ERC1: variants seen among roughly 807,000 people sequenced by gnomAD.
The protein encoded by ERC1 is RAB6 interacting protein 2.
ERC1 carries 56 observed loss-of-function variants against 132.0 expected under a neutral mutation model. The ratio of observed to expected loss-of-function variants is 0.42; its 90% confidence interval spans 0.34 to 0.53. The LOEUF (loss-of-function observed/expected upper bound fraction) is 0.53. Ranked by LOEUF, ERC1 falls within the 20% of genes least tolerant of loss-of-function variation. The pLI is 0.03. For missense variants in ERC1, 1,202 were observed against 1,349.9 expected (o/e 0.89, Z 1.72); for synonymous variants, 478 against 476.1 (o/e 1.00, Z -0.05).
At chr12:1,372,685 G>A (rs1473769972) in intron 16 of ERC1, among the ~76,000 whole-genome samples, 2 of 152,230 alleles carry the variant, frequency 1.3e-5, no homozygotes, top group East Asian at 1.9e-4. Context: ...AGTGCTCCTC[G>A]TTGAGTGCTC....
chr12:1,055,133 A>G (rs934961222), intron 2 of ERC1, among the ~76,000 whole-genome samples: 4 of 152,120 alleles, frequency 2.6e-5, no homozygotes, highest in Non-Finnish European at 5.9e-5. Flanking sequence ...GAGATGTTTA[A>G]TGTTAAGGAT....
At chr12:1,261,383 C>G (rs190610819) in intron 13 of ERC1, among the ~76,000 whole-genome samples, 366 of 152,310 alleles carry the variant, frequency 2.4e-3, no homozygotes, top group African/African-American at 8.0e-3. Flanking sequence ...TTTATACTTA[C>G]AGCAATCTGT....
chr12:1,485,877 A>G (rs940087124), intron 18 of ERC1, among the ~76,000 whole-genome samples: 5 of 152,258 alleles, frequency 3.3e-5, no homozygotes, highest in African/African-American at 1.2e-4. Flanking sequence ...GATTATAAAA[A>G]ATATGCTCTT....
chr12:1,327,903 G>A (rs548395982), intron 15 of ERC1, among the ~76,000 whole-genome samples: 1 of 151,702 alleles, frequency 6.6e-6, no homozygotes, highest in African/African-American at 2.4e-5. Context: ...CGTTTACTCA[G>A]TTGTTCAAGC....
chr12:1,367,289 AT>A (rs896296341), intron 15 of ERC1, among the ~76,000 whole-genome samples: 3 of 152,234 alleles, frequency 2.0e-5, no homozygotes, highest in African/African-American at 7.2e-5. Flanking sequence ...TGACATTAAA[AT>A]GTCCAAAGCT....
At chr12:1,471,050 C>T (rs565557060) in intron 18 of ERC1, among the ~76,000 whole-genome samples, 12 of 152,162 alleles carry the variant, frequency 7.9e-5, no homozygotes, top group Non-Finnish European at 1.3e-4. Flanking sequence ...CTTTTATAGT[C>T]ATGTTTTCTG....
intron 2 of ERC1, among the ~76,000 whole-genome samples, chr12:1,058,240 T>C (rs772511757): frequency 6.6e-6 from 1 of 152,194 alleles, no homozygotes; most frequent in Non-Finnish European, 1.5e-5. Flanking sequence ...TTTTGAAACC[T>C]TACCAAGAAA....
At position 1,093,979 on chromosome 12, in the gene ERC1, A is replaced by ATTTC. The variant is rs1565949554; in HGVS notation, c.1086+10400_1086+10401insTTCT. Among the ~76,000 whole-genome samples the ATTTC allele has an allele frequency of 3.8e-4, 49 of 127,668 alleles. 2 individuals are homozygous for ATTTC. In the East Asian group the frequency reaches 4.1e-3, roughly 11 times the overall value. The allele number at this position is 127,668 out of a possible 152,430, so 83.8% of individuals were successfully genotyped here. A position where few individuals can be genotyped will look rare whatever the true frequency, so the allele number is the denominator to read the frequency against. ...TTTCTATATATATATATATATATAT[A>ATTTC]TATATAGAAAAACATAGAAAATGAA... On this transcript the variant is annotated intron_variant, in intron 3 of 18. Coordinates refer to ENST00000360905, the MANE Select transcript of ERC1 (RefSeq NM_178040.4).
chr12:1,351,228 A>G (rs961001714), intron 15 of ERC1, among the ~76,000 whole-genome samples: 2 of 152,268 alleles, frequency 1.3e-5, no homozygotes, highest in Non-Finnish European at 2.9e-5. Flanking sequence ...TAGCTCTGAA[A>G]TATAGTCTAG....
intron 16 of ERC1, among the ~76,000 whole-genome samples, chr12:1,395,134 C>T (rs2090421003): frequency 6.6e-6 from 1 of 152,198 alleles, no homozygotes; most frequent in Admixed American, 6.5e-5. Flanking sequence ...GATGTGAGAT[C>T]TGTACTCCAA....
At chr12:1,131,080 A>G (rs1377269785) in intron 7 of ERC1, among the ~76,000 whole-genome samples, 2 of 152,224 alleles carry the variant, frequency 1.3e-5, no homozygotes, top group African/African-American at 4.8e-5. Flanking sequence ...AGAATTCTTA[A>G]AAATGTCTCA....
chr12:1,064,581 A>G (rs1038408145), intron 2 of ERC1, among the ~76,000 whole-genome samples: 10 of 152,112 alleles, frequency 6.6e-5, no homozygotes, highest in East Asian at 1.9e-4. Flanking sequence ...TTTTGTATAG[A>G]TAGGGTCTTG....
At chr12:1,128,403 A>G (rs1039407594) in intron 7 of ERC1, among the ~76,000 whole-genome samples, 4 of 152,044 alleles carry the variant, frequency 2.6e-5, no homozygotes, top group African/African-American at 9.7e-5. Context: ...TATTTTCTTA[A>G]TTTTTAATTT....
chr12:1,482,121 C>T (rs1184990751), intron 18 of ERC1, among the ~76,000 whole-genome samples: 3 of 152,128 alleles, frequency 2.0e-5, no homozygotes, highest in Non-Finnish European at 4.4e-5. Context: ...GAGTGATGCC[C>T]ATGTCTGGCC....
Position 1,176,486 on chromosome 12 carries a change from A to T in ERC1, c.1738-4054A>T, listed in dbSNP as rs552576317. Among the ~76,000 whole-genome samples the T allele has an allele frequency of 1.6e-4, 25 of 152,302 alleles. 1 individual carries two copies. The South Asian group carries it at 5.2e-3, about 32-fold the overall frequency. ...AGGATTTTCAGAATGATAAATGAAC[A>T]CTGGCCTCAACTTTCAGTCACCAGC... On this transcript the variant is annotated intron_variant, in intron 8 of 18. Transcript: ENST00000360905.
intron 7 of ERC1, among the ~76,000 whole-genome samples, chr12:1,134,920 G>T (rs1469245976): frequency 6.6e-6 from 1 of 152,014 alleles, no homozygotes; most frequent in African/African-American, 2.4e-5. Context: ...TAGAGACAAG[G>T]TTTCTCCCTG....
chr12:1,309,911 G>T (rs1353673229), intron 15 of ERC1, among the ~76,000 whole-genome samples: 1 of 151,748 alleles, frequency 6.6e-6, no homozygotes, highest in Non-Finnish European at 1.5e-5. Context: ...ATAGTACCTA[G>T]TGCTGAGGGG....
At chr12:1,139,315 G>A (rs527480987) in intron 7 of ERC1, among the ~76,000 whole-genome samples, 19 of 152,176 alleles carry the variant, frequency 1.2e-4, no homozygotes, top group Non-Finnish European at 2.5e-4. Context: ...TAGCTGTCTC[G>A]TTATTAGATC....
intron 15 of ERC1, among the ~76,000 whole-genome samples, chr12:1,320,368 T>C (rs1399330121): frequency 6.6e-6 from 1 of 152,210 alleles, no homozygotes; most frequent in Non-Finnish European, 1.5e-5. Context: ...TTAGGTGTAG[T>C]GGATACTATC....
Sources: allele counts gnomAD v4.1 joint callset (sites outside exome capture counted in the v4.1 genomes callset), GRCh38; gene constraint gnomAD v4.1.1; transcripts MANE v1.5; gene names NCBI Gene and HGNC (gene_info 2026-07-23, HGNC 2026-07-21).